XPO7: variants seen among roughly 807,000 people sequenced by gnomAD.
XPO7 encodes the protein exportin-7.
In XPO7, 21 loss-of-function variants were observed where a neutral mutation model predicts 144.3. The ratio of observed to expected loss-of-function variants is 0.15; its 90% CI spans 0.10 to 0.21. The LOEUF (loss-of-function observed/expected upper bound fraction) is 0.21, where lower values mean the gene tolerates loss of function less well. Ranked by LOEUF, XPO7 falls within the 10% of genes least tolerant of loss-of-function variation. The pLI is 1.00. For missense variants in XPO7, 808 were observed against 1,325.8 expected, an observed-to-expected ratio of 0.61 and a Z score of 6.06; for synonymous variants, 580 against 499.6, an observed-to-expected ratio of 1.16 and a Z score of -2.15.
At chr8:21,963,804 A>G (rs1162906807) in intron 1 of XPO7, among the ~76,000 whole-genome samples, 1 of 152,344 alleles carries the variant, frequency 6.6e-6, no homozygotes, top group Non-Finnish European at 1.5e-5. Flanking sequence ...CTAATGTACC[A>G]ACAAAATCTT....
At chr8:21,954,720 A>G (rs1205072617) in intron 1 of XPO7, among the ~76,000 whole-genome samples, 1 of 152,180 alleles carries the variant, frequency 6.6e-6, no homozygotes, top group East Asian at 1.9e-4. Flanking sequence ...TTACATGAGA[A>G]CTCAAAAATA....
intron 1 of XPO7, among the ~76,000 whole-genome samples, chr8:21,949,844 C>T (rs1469806432): frequency 6.6e-6 from 1 of 152,212 alleles, no homozygotes. Context: ...ATTCTCCTGC[C>T]TTAGCCTCCC....
chr8:21,944,748 G>A (rs1482186385), intron 1 of XPO7, among the ~76,000 whole-genome samples: 7 of 151,944 alleles, frequency 4.6e-5, no homozygotes, highest in African/African-American at 1.4e-4. Context: ...AGGCCCTGCC[G>A]CCTTCCGCCT....
chr8:21,936,347 T>G (rs1432121923), intron 1 of XPO7, among the ~76,000 whole-genome samples: 1 of 152,346 alleles, frequency 6.6e-6, no homozygotes, highest in East Asian at 1.9e-4. Flanking sequence ...CCCTTTTGTT[T>G]CATAGATGTA....
chr8:21,971,922 TA>T lies in XPO7; in HGVS notation c.475del (p.Thr159ProfsTer13). On this transcript the variant is annotated frameshift_variant, in exon 5 of 28. Transcript: ENST00000252512. LOFTEE classifies it high-confidence loss of function. Reference sequence around the variant, plus strand: ...ATTGGTGTCACAATTTTATCTCAGCTAACCAATGAAATTAATCAAGTAAGTG... The same window carrying T: ...ATTGGTGTCACAATTTTATCTCAGCTACCAATGAAATTAATCAAGTAAGTG... ...CIIGVTILSQ[L>X]TNEINQADTT... 6.2e-7 allele frequency: 1 copy of T among 1,613,692 alleles called. No homozygotes were observed. Among genetic ancestry groups the T allele is most frequent in the Non-Finnish European group, 8.5e-7 (1 of 1,179,798 alleles).
intron 11 of XPO7, among the ~76,000 whole-genome samples, chr8:21,983,242 C>T (rs1475269737): frequency 1.3e-5 from 2 of 152,202 alleles, no homozygotes; most frequent in East Asian, 3.8e-4. Flanking sequence ...AGCTAGAACA[C>T]ATAAGAATTC....
chr8:21,934,964 GA>G (rs1159548040), intron 1 of XPO7, among the ~76,000 whole-genome samples: 1 of 152,228 alleles, frequency 6.6e-6, no homozygotes, highest in African/African-American at 2.4e-5. Flanking sequence ...ACATCTGTGT[GA>G]TTAATGAAGA....
chr8:21,933,658 G>T (rs1810727948), intron 1 of XPO7, among the ~76,000 whole-genome samples: 1 of 152,088 alleles, frequency 6.6e-6, no homozygotes, highest in Non-Finnish European at 1.5e-5. Context: ...AGAAAGCATT[G>T]TTAAACCAGT....
intron 24 of XPO7, among the ~76,000 whole-genome samples, chr8:22,000,682 T>C (rs1219281681): frequency 6.6e-6 from 1 of 152,138 alleles, no homozygotes. Context: ...CTCAATCTCC[T>C]GACCTCATGA....
At chr8:21,927,755 G>A (rs553502407) in intron 1 of XPO7, among the ~76,000 whole-genome samples, 54 of 152,092 alleles carry the variant, frequency 3.6e-4, no homozygotes, top group Non-Finnish European at 4.6e-4. Flanking sequence ...ATGTTGGTCC[G>A]ACTGGTCTTG....
chr8:21,945,563 A>G (rs1811165654), intron 1 of XPO7, among the ~76,000 whole-genome samples: 1 of 152,244 alleles, frequency 6.6e-6, no homozygotes, highest in African/African-American at 2.4e-5. Flanking sequence ...AGCATGTGGC[A>G]TGGTACGTTA....
rs1813174548 is a variant in XPO7 at position 22,002,240 on chromosome 8, A to G, written c.2911A>G (p.Ile971Val). The G allele has an allele frequency of 5.0e-6, 8 of 1,613,274 alleles. No homozygotes were observed. The highest frequency in any genetic ancestry group is 6.8e-6 in the Non-Finnish European group (8 of 1,179,592). Residue 971 changes from isoleucine to valine, a missense_variant, in exon 25 of 28, where the codon ATC becomes GTC. Coordinates refer to ENST00000252512, the MANE Select transcript of XPO7 (RefSeq NM_015024.5). ...LNQESDRFLHIMQQHPEMIQQ... is the reference protein window; with the variant it reads ...LNQESDRFLHVMQQHPEMIQQ... ...CCAGGAGAGCGACCGCTTTCTGCACATCATGCAGCAGCATCCAGAGATGAT... is the reference window on the plus strand; with the variant it reads ...CCAGGAGAGCGACCGCTTTCTGCACGTCATGCAGCAGCATCCAGAGATGAT...
intron 5 of XPO7, among the ~76,000 whole-genome samples, chr8:21,972,584 A>G (rs537630505): frequency 3.3e-4 from 51 of 152,288 alleles, no homozygotes; most frequent in Non-Finnish European, 4.3e-4. Context: ...TATACTTTAA[A>G]TTTTTTAAAT....
At chr8:21,939,021 CA>C (rs1810906186) in intron 1 of XPO7, among the ~76,000 whole-genome samples, 1 of 152,038 alleles carries the variant, frequency 6.6e-6, no homozygotes, top group African/African-American at 2.4e-5. Flanking sequence ...ATTTTATTTA[CA>C]TTATTTTTTT....
At chr8:21,932,395 T>C (rs1393938625) in intron 1 of XPO7, among the ~76,000 whole-genome samples, 2 of 152,214 alleles carry the variant, frequency 1.3e-5, no homozygotes, top group African/African-American at 4.8e-5. Flanking sequence ...TAATATTCTT[T>C]TTTACTTTTT....
At chr8:21,921,614 C>T (rs188392376) in intron 1 of XPO7, 1 of 152,142 alleles carries the variant, frequency 6.6e-6, no homozygotes, top group Non-Finnish European at 1.5e-5. Flanking sequence ...CAGCATTTGT[C>T]GCTCCAACGA....
At chr8:21,926,055 A>G (rs952590317) in intron 1 of XPO7, among the ~76,000 whole-genome samples, 20 of 152,194 alleles carry the variant, frequency 1.3e-4, no homozygotes, top group African/African-American at 4.3e-4. Flanking sequence ...AGAAATTAAC[A>G]TTATTAGTCA....
At chr8:21,996,619 G>A (rs1812957935) in intron 21 of XPO7, among the ~76,000 whole-genome samples, 3 of 152,084 alleles carry the variant, frequency 2.0e-5, no homozygotes, top group Admixed American at 2.0e-4. Flanking sequence ...TATTAGAGAG[G>A]TTGTGGCAGG....
chr8:21,960,275 C>A (rs919863470), intron 1 of XPO7, among the ~76,000 whole-genome samples: 1 of 152,332 alleles, frequency 6.6e-6, no homozygotes, highest in South Asian at 2.1e-4. Context: ...CCAAAAATGA[C>A]TGTGGGCCCG....
Sources: allele counts gnomAD v4.1 joint callset (sites outside exome capture counted in the v4.1 genomes callset), GRCh38; gene constraint gnomAD v4.1.1; transcripts MANE v1.5; gene names NCBI Gene and HGNC (gene_info 2026-07-23, HGNC 2026-07-21).